The following DENND11 variants were observed in gnomAD, a reference collection of about 807,000 sequenced individuals.
DENND11 encodes the protein DENN domain-containing protein 11.
Under a neutral mutation model 49.2 loss-of-function variants are expected in DENND11, and 34 were observed. The observed-to-expected ratio is 0.69, with a 90% CI of 0.53 to 0.92. The LOEUF (loss-of-function observed/expected upper bound fraction) is 0.92, where lower values mean the gene tolerates loss of function less well. DENND11 is among the 40% of genes least tolerant of loss of function. The probability of loss-of-function intolerance (pLI) is 0.00; values close to 1 mark genes in which losing one functional copy is unlikely to be tolerated. For missense variants in DENND11, 475 were observed against 581.6 expected (o/e 0.82, Z 1.88); for synonymous variants, 238 against 230.3 (o/e 1.03, Z -0.30).
chr7:141,687,313 T>C (rs1313957514), intron 1 of DENND11, among the ~76,000 whole-genome samples: 1 of 152,176 alleles, frequency 6.6e-6, no homozygotes, highest in Non-Finnish European at 1.5e-5. Flanking sequence ...TCACTCATCA[T>C]TGATTATTCA....
At chr7:141,701,126 G>A (rs1223337321) in intron 1 of DENND11, among the ~76,000 whole-genome samples, 1 of 151,926 alleles carries the variant, frequency 6.6e-6, no homozygotes, top group South Asian at 2.1e-4. Context: ...CCTGGAAAAC[G>A]CACACCCCCC....
At chr7:141,701,797 TGC>T (rs1198701871) in intron 1 of DENND11, 87 bp downstream of exon 1, 3 of 1,035,524 alleles carry the variant, frequency 2.9e-6, no homozygotes, top group African/African-American at 1.7e-5. Flanking sequence ...GGAGGGCAGG[TGC>T]GCGCGCAGCG....
At position 141,694,500 on chromosome 7, in the gene DENND11, A is replaced by T. The variant is rs1282889789; in HGVS notation, c.268+7386T>A. The stretch of plus-strand genomic sequence containing the variant: ...GGTCTTGAACTCCTGGCCTCAAGAA[A>T]TCCTTCCACCTCTGTCTTCCAAAGT... On this transcript the variant is annotated intron_variant, in intron 1 of 8. Transcript: ENST00000536163. Among the ~76,000 whole-genome samples the T allele has an allele frequency of 6.6e-5, 10 of 152,092 alleles. No homozygotes were observed. In the East Asian group the frequency reaches 1.9e-3, roughly 29 times the overall value.
At chr7:141,680,048 A>C (rs1168925032) in intron 3 of DENND11, among the ~76,000 whole-genome samples, 1 of 152,210 alleles carries the variant, frequency 6.6e-6, no homozygotes, top group Non-Finnish European at 1.5e-5. Context: ...TTGAGCCATC[A>C]ATTTCATTTC....
In DENND11 at chr7:141,665,065, C is replaced by A. The variant is rs780524513; in HGVS notation, c.953-11G>T. ...TCTTCTCTGTGGTGCCTGTGGAACC[C>A]GGGGTTAGAGAGGTGGGAACCCACC... On this transcript the variant is annotated splice_polypyrimidine_tract_variant and intron_variant, in intron 6 of 8. Coordinates refer to ENST00000536163, the MANE Select transcript of DENND11 (RefSeq NM_001080392.2). 7.4e-6 allele frequency: 12 copies of A among 1,613,170 alleles called. No individual in the cohort carries two copies. In the African/African-American group the frequency reaches 1.6e-4, roughly 22 times the overall value.
chr7:141,685,952 T>C (rs143797655), intron 2 of DENND11, among the ~76,000 whole-genome samples: 254 of 152,322 alleles, frequency 1.7e-3, no homozygotes, highest in African/African-American at 5.5e-3. Context: ...ACATTCCTCT[T>C]CAGGCTCCTC....
At chr7:141,663,169 C>A (rs1015259711) in intron 8 of DENND11, 2 of 249,748 alleles carry the variant, frequency 8.0e-6, no homozygotes, top group Middle Eastern at 1.2e-3. Context: ...CCAAACACTG[C>A]TTTTCTCTCT....
intron 1 of DENND11, among the ~76,000 whole-genome samples, chr7:141,693,085 TGA>T: frequency 6.6e-6 from 1 of 152,248 alleles, no homozygotes; most frequent in Admixed American, 6.5e-5. Context: ...AGCCACAGAC[TGA>T]GAGAAGATAT....
intron 4 of DENND11, among the ~76,000 whole-genome samples, chr7:141,668,055 C>G (rs1797922240): frequency 6.6e-6 from 1 of 152,252 alleles, no homozygotes; most frequent in Non-Finnish European, 1.5e-5. Context: ...TTCCTCCCAG[C>G]TTTCCCACTG....
At chr7:141,667,271 A>G (rs1481691086) in intron 4 of DENND11, among the ~76,000 whole-genome samples, 2 of 152,086 alleles carry the variant, frequency 1.3e-5, no homozygotes, top group African/African-American at 4.8e-5. Context: ...CCTTCTAGGA[A>G]CACTGAGCCA....
intron 3 of DENND11, among the ~76,000 whole-genome samples, chr7:141,677,497 GTGTGTGTATATATATATATATA>G (rs1798080282): frequency 1.5e-5 from 2 of 131,462 alleles, no homozygotes; most frequent in Admixed American, 1.6e-4. Context: ...ATGTGTGTGT[GTGTGTGTATATATATATATATA>G]TGTATATATA....
chr7:141,675,631 G>A (rs962393114), intron 3 of DENND11, among the ~76,000 whole-genome samples: 7 of 152,074 alleles, frequency 4.6e-5, no homozygotes, highest in East Asian at 3.9e-4. Flanking sequence ...AAACTGCCAC[G>A]GTGGCTTACC....
chr7:141,665,453 G>T (rs1797879628), intron 5 of DENND11, 135 bp from the exon 6 acceptor site: 3 of 1,243,080 alleles, frequency 2.4e-6, no homozygotes, highest in Non-Finnish European at 3.3e-6. Context: ...GTTCTGAGGA[G>T]ACTGGAGGTG....
chr7:141,671,705 C>T (rs752006476), intron 4 of DENND11, among the ~76,000 whole-genome samples: 2 of 152,182 alleles, frequency 1.3e-5, no homozygotes, highest in Non-Finnish European at 2.9e-5. Context: ...AGATGCTGGT[C>T]ACCTCCCTGT....
intron 3 of DENND11, among the ~76,000 whole-genome samples, chr7:141,684,936 A>T (rs1441938259): frequency 6.8e-6 from 1 of 147,080 alleles, no homozygotes; most frequent in Non-Finnish European, 1.5e-5. Flanking sequence ...GCTCTTTGGC[A>T]GGCTGAGGCA....
chr7:141,701,337 C>T (rs923328983), intron 1 of DENND11, among the ~76,000 whole-genome samples: 3 of 149,072 alleles, frequency 2.0e-5, no homozygotes, highest in Admixed American at 1.3e-4. Context: ...AAAGTTACCC[C>T]AGAGGAAGCG....
chr7:141,677,294 C>T (rs903795734), intron 3 of DENND11, among the ~76,000 whole-genome samples: 9 of 150,342 alleles, frequency 6.0e-5, no homozygotes, highest in East Asian at 2.0e-4. Flanking sequence ...GGCTGAGGCA[C>T]GAGAATTGCT....
chr7:141,698,656 G>T (rs1244569546), intron 1 of DENND11, among the ~76,000 whole-genome samples: 12 of 152,084 alleles, frequency 7.9e-5, no homozygotes, highest in Admixed American at 7.9e-4. Flanking sequence ...TCCAAAACTT[G>T]TATCTAAAAG....
intron 3 of DENND11, among the ~76,000 whole-genome samples, chr7:141,683,681 T>C (rs1170222185): frequency 6.6e-6 from 1 of 151,926 alleles, no homozygotes; most frequent in Non-Finnish European, 1.5e-5. Flanking sequence ...AAACAAAACA[T>C]TTGGCAAGTT....
Sources: gnomAD v4.1 joint callset for allele counts (sites outside exome capture counted in the v4.1 genomes callset) on GRCh38, gnomAD v4.1.1 for gene constraint, MANE v1.5 for transcripts, NCBI Gene and HGNC (gene_info 2026-07-23, HGNC 2026-07-21) for gene names.